Variants in NALCN observed in about 807,000 individuals in gnomAD.
The protein encoded by NALCN is sodium leak channel, non-selective, also known as sodium leak channel NALCN.
Under a neutral mutation model 225.3 loss-of-function variants are expected in NALCN, and 111 were observed. The observed-to-expected ratio is 0.49, with a 90% confidence interval of 0.42 to 0.58. The LOEUF is 0.58. Among genes scored for constraint, NALCN ranks in the 20% least tolerant of loss-of-function variants. The pLI is 0.00. For synonymous variants in NALCN, 764 were observed against 769.0 expected (o/e 0.99, Z 0.11); for missense variants, 1,378 against 2,202.4 (o/e 0.63, Z 7.49).
chr13:101,360,189 C>CCTCTCTCTCTCTCTCTCTCT (rs759523803), intron 6 of NALCN, among the ~76,000 whole-genome samples: 12 of 89,322 alleles, frequency 1.3e-4, no homozygotes, highest in South Asian at 5.2e-4. Flanking sequence ...TTCCTCTCTT[C>CCTCTCTCTCTCTCTCTCTCT]CTCTCTCTCT....
At chr13:101,110,584 C>G (rs368531951) in intron 20 of NALCN, 35 bp downstream of exon 20, 1 of 1,601,074 alleles carries the variant, frequency 6.2e-7, no homozygotes, top group Non-Finnish European at 8.6e-7. Context: ...TTCATAATCA[C>G]GTTTCTGAAA....
At chr13:101,409,685 C>G (rs1191124440) in intron 1 of NALCN, among the ~76,000 whole-genome samples, 2 of 152,184 alleles carry the variant, frequency 1.3e-5, no homozygotes, top group Non-Finnish European at 1.5e-5. Context: ...CAGTGGTTTT[C>G]AAAATTTGCT....
At chr13:101,134,468 C>G (rs2036670818) in intron 17 of NALCN, among the ~76,000 whole-genome samples, 1 of 152,168 alleles carries the variant, frequency 6.6e-6, no homozygotes, top group Admixed American at 6.5e-5. Context: ...CATTTTCTTT[C>G]ATTGTCTAGC....
chr13:101,145,952 G>T (rs1040401248), intron 15 of NALCN, among the ~76,000 whole-genome samples: 1 of 152,152 alleles, frequency 6.6e-6, no homozygotes, highest in Non-Finnish European at 1.5e-5. Flanking sequence ...AGGAATTATG[G>T]AAAGATAAGA....
At chr13:101,295,475 T>C (rs534300244) in intron 7 of NALCN, among the ~76,000 whole-genome samples, 2 of 152,264 alleles carry the variant, frequency 1.3e-5, no homozygotes, top group East Asian at 3.9e-4. Context: ...TTATCCTCCC[T>C]CTCCCTGTCC....
intron 17 of NALCN, among the ~76,000 whole-genome samples, chr13:101,141,021 T>C (rs2037051797): frequency 6.6e-6 from 1 of 152,198 alleles, no homozygotes; most frequent in Non-Finnish European, 1.5e-5. Flanking sequence ...TTAAGGGTCA[T>C]ATGTCCATAT....
At chr13:101,237,470 T>C (rs2140155628) in intron 12 of NALCN, among the ~76,000 whole-genome samples, 1 of 152,098 alleles carries the variant, frequency 6.6e-6, no homozygotes, top group East Asian at 1.9e-4. Flanking sequence ...TATCCATATA[T>C]AAAAATATGT....
At chr13:101,409,484 T>A (rs1017641384) in intron 1 of NALCN, among the ~76,000 whole-genome samples, 1 of 152,164 alleles carries the variant, frequency 6.6e-6, no homozygotes, top group African/African-American at 2.4e-5. Flanking sequence ...GCCACCACCG[T>A]CCTACCCTGT....
chr13:101,074,742 G>GAA, intron 35 of NALCN, 80 bp from the exon 36 acceptor site: 3 of 1,233,192 alleles, frequency 2.4e-6, no homozygotes, highest in Non-Finnish European at 3.3e-6. Context: ...GAGAGAGAGA[G>GAA]AATATTCAAT....
chr13:101,081,385 C>A, intron 34 of NALCN, 142 bp downstream of exon 34: 1 of 1,161,908 alleles, frequency 8.6e-7, no homozygotes, highest in Non-Finnish European at 1.2e-6. Context: ...GAGCCCATCA[C>A]AGTCAAAGCT....
chr13:101,055,549 C>T, intron 43 of NALCN, 61 bp from the exon 44 acceptor site: 2 of 1,443,448 alleles, frequency 1.4e-6, no homozygotes, highest in Non-Finnish European at 1.9e-6. Flanking sequence ...GTAATCACTC[C>T]TAAAAACCCA....
intron 10 of NALCN, among the ~76,000 whole-genome samples, chr13:101,282,222 G>A (rs761093154): frequency 5.3e-5 from 8 of 152,068 alleles, no homozygotes; most frequent in South Asian, 4.1e-4. Flanking sequence ...TTACTGCAGC[G>A]TTATTCACAA....
chr13:101,345,161 T>A, intron 7 of NALCN, 105 bp downstream of exon 7: 1 of 1,181,972 alleles, frequency 8.5e-7, no homozygotes, highest in African/African-American at 1.5e-5. Context: ...ATTTCTTCTA[T>A]ACTACAGCCA....
chr13:101,055,871 G>A (rs1464089840), intron 43 of NALCN, among the ~76,000 whole-genome samples: 1 of 152,092 alleles, frequency 6.6e-6, no homozygotes, highest in African/African-American at 2.4e-5. Context: ...CACAGTAAAG[G>A]CGAGGGGGGA....
intron 7 of NALCN, among the ~76,000 whole-genome samples, chr13:101,308,998 T>C (rs1044633462): frequency 6.6e-6 from 1 of 152,176 alleles, no homozygotes; most frequent in Admixed American, 6.5e-5. Flanking sequence ...CTTAAGATTC[T>C]TTGAAATGTT....
intron 11 of NALCN, among the ~76,000 whole-genome samples, 171 bp from the exon 12 acceptor site, chr13:101,238,093 G>A (rs554776701): frequency 1.9e-4 from 29 of 151,926 alleles, no homozygotes; most frequent in African/African-American, 7.0e-4. Flanking sequence ...ATACCAACTA[G>A]AACACAGTAG....
chr13:101,389,644 G>T (rs75927109), intron 3 of NALCN, among the ~76,000 whole-genome samples: 11,474 of 152,094 alleles, frequency 0.075, 824 homozygotes, highest in East Asian at 0.32. Context: ...AACAGTGGAG[G>T]GACCCCTCGT....
chr13:101,326,890 T>A (rs2044972728), intron 7 of NALCN, among the ~76,000 whole-genome samples: 1 of 152,174 alleles, frequency 6.6e-6, no homozygotes, highest in African/African-American at 2.4e-5. Flanking sequence ...CAGTTCTCCA[T>A]GTGGCCTCTT....
At chr13:101,188,879 G>A (rs1374368398) in intron 14 of NALCN, among the ~76,000 whole-genome samples, 1 of 151,860 alleles carries the variant, frequency 6.6e-6, no homozygotes, top group African/African-American at 2.4e-5. Context: ...GTAGAGATAG[G>A]GTTTCACCAT....
Sources: gnomAD v4.1 joint callset for allele counts (sites outside exome capture counted in the v4.1 genomes callset) on GRCh38, gnomAD v4.1.1 for gene constraint, MANE v1.5 for transcripts, NCBI Gene and HGNC (gene_info 2026-07-23, HGNC 2026-07-21) for gene names.